UBE2R2: variants seen among roughly 807,000 people sequenced by gnomAD.
UBE2R2 encodes ubiquitin-conjugating enzyme E2 R2.
UBE2R2 carries 1 observed loss-of-function variant against 27.8 expected under a neutral mutation model. That is an observed-to-expected ratio of 0.04 (90% confidence interval 0.01 to 0.17). UBE2R2 has a LOEUF of 0.17. Among genes scored for constraint, UBE2R2 ranks in the 10% least tolerant of loss-of-function variants. The pLI, the probability that UBE2R2 is intolerant of heterozygous loss-of-function variation, is 1.00. For missense variants in UBE2R2, 100 were observed against 291.0 expected, an observed-to-expected ratio of 0.34 and a Z score of 4.78; for synonymous variants, 106 against 113.3, an observed-to-expected ratio of 0.94 and a Z score of 0.41.
intron 1 of UBE2R2, among the ~76,000 whole-genome samples, chr9:33,864,637 A>G (rs1490791208): frequency 6.6e-6 from 1 of 151,686 alleles, no homozygotes; most frequent in East Asian, 1.9e-4. Context: ...GCTGCCACGA[A>G]TTCCTGGGCT....
At chr9:33,846,687 T>C (rs908675931) in intron 1 of UBE2R2, among the ~76,000 whole-genome samples, 10 of 152,236 alleles carry the variant, frequency 6.6e-5, no homozygotes, top group Admixed American at 1.3e-4. Flanking sequence ...ATATGGTCTC[T>C]TGCAACTGCT....
At chr9:33,860,976 T>TG (rs1821219934) in intron 1 of UBE2R2, among the ~76,000 whole-genome samples, 1 of 150,516 alleles carries the variant, frequency 6.6e-6, no homozygotes, top group Non-Finnish European at 1.5e-5. Context: ...TTTTTTTTTT[T>TG]GAGACGGAGT....
intron 1 of UBE2R2, among the ~76,000 whole-genome samples, chr9:33,882,204 T>C (rs934150163): frequency 6.6e-6 from 1 of 152,198 alleles, no homozygotes; most frequent in Non-Finnish European, 1.5e-5. Flanking sequence ...TAGGCTTGTC[T>C]TTTATTTTTC....
chr9:33,900,367 A>T, intron 3 of UBE2R2, 96 bp downstream of exon 3: 4 of 865,880 alleles, frequency 4.6e-6, no homozygotes, highest in East Asian at 2.8e-5. Flanking sequence ...ACATGTAAAA[A>T]ATCATCTTTC....
chr9:33,913,862 C>G (rs1822563763), intron 4 of UBE2R2, among the ~76,000 whole-genome samples: 1 of 152,106 alleles, frequency 6.6e-6, no homozygotes, highest in Non-Finnish European at 1.5e-5. Context: ...GTTTGGGCAT[C>G]TGTGTGTGTA....
intron 1 of UBE2R2, among the ~76,000 whole-genome samples, chr9:33,881,975 C>T: frequency 6.6e-6 from 1 of 152,184 alleles, no homozygotes; most frequent in Non-Finnish European, 1.5e-5. Flanking sequence ...GAAGATTTGA[C>T]CCTTCTCCAC....
intron 1 of UBE2R2, among the ~76,000 whole-genome samples, chr9:33,867,268 G>A (rs1821385069): frequency 6.6e-6 from 1 of 152,138 alleles, no homozygotes; most frequent in Admixed American, 6.6e-5. Flanking sequence ...CACATTATGT[G>A]TAGTTGTAGA....
chr9:33,879,796 A>G (rs1412016119), intron 1 of UBE2R2, among the ~76,000 whole-genome samples: 1 of 92,228 alleles, frequency 1.1e-5, no homozygotes, highest in South Asian at 3.6e-4. Context: ...TGTTTAATTG[A>G]TTTCTGCTTT....
intron 1 of UBE2R2, among the ~76,000 whole-genome samples, chr9:33,835,702 G>A (rs1350117677): frequency 6.6e-6 from 1 of 151,620 alleles, no homozygotes; most frequent in African/African-American, 2.4e-5. Flanking sequence ...GGTGACATAG[G>A]GAGATCCCGT....
intron 1 of UBE2R2, among the ~76,000 whole-genome samples, chr9:33,827,725 C>T (rs1820346930): frequency 6.6e-6 from 1 of 151,950 alleles, no homozygotes; most frequent in Non-Finnish European, 1.5e-5. Flanking sequence ...AATCCCAGCA[C>T]TTTGGGAGGC....
chr9:33,820,960 C>T (rs1366890816), intron 1 of UBE2R2, among the ~76,000 whole-genome samples: 2 of 152,128 alleles, frequency 1.3e-5, no homozygotes, highest in Non-Finnish European at 2.9e-5. Flanking sequence ...AGTTTTGGGC[C>T]ATATAGATGT....
intron 1 of UBE2R2, among the ~76,000 whole-genome samples, chr9:33,823,599 C>T (rs1209714880): frequency 6.6e-6 from 1 of 152,154 alleles, no homozygotes; most frequent in Non-Finnish European, 1.5e-5. Context: ...TGGTCTCAAA[C>T]TCCTGACCTC....
chr9:33,863,188 C>CA (rs544206798), intron 1 of UBE2R2, among the ~76,000 whole-genome samples: 38,727 of 105,732 alleles, frequency 0.37, 6,296 homozygotes, highest in African/African-American at 0.47. Flanking sequence ...GAGACTCCCT[C>CA]AAAAAAAAAA....
At chr9:33,841,812 G>C (rs181129087) in intron 1 of UBE2R2, among the ~76,000 whole-genome samples, 1 of 151,876 alleles carries the variant, frequency 6.6e-6, no homozygotes, top group African/African-American at 2.4e-5. Flanking sequence ...TTGTTTTCTC[G>C]TATATTACAC....
intron 1 of UBE2R2, among the ~76,000 whole-genome samples, chr9:33,858,974 T>C (rs1821165460): frequency 6.6e-6 from 1 of 151,728 alleles, no homozygotes; most frequent in African/African-American, 2.4e-5. Flanking sequence ...TACAGGTGCC[T>C]GCCACCACAC....
intron 2 of UBE2R2, among the ~76,000 whole-genome samples, chr9:33,899,682 AT>A (rs1822203131): frequency 1.3e-5 from 2 of 150,412 alleles, no homozygotes; most frequent in African/African-American, 4.9e-5. Context: ...CAATTTTTGT[AT>A]TTTTGGTAGA....
At chr9:33,831,373 A>G (rs1230311821) in intron 1 of UBE2R2, among the ~76,000 whole-genome samples, 1 of 152,110 alleles carries the variant, frequency 6.6e-6, no homozygotes, top group Non-Finnish European at 1.5e-5. Flanking sequence ...AAAACAAAAG[A>G]GTTTTGTTAT....
chr9:33,841,925 A>T (rs1305046537), intron 1 of UBE2R2, among the ~76,000 whole-genome samples: 1 of 152,076 alleles, frequency 6.6e-6, no homozygotes, highest in Non-Finnish European at 1.5e-5. Flanking sequence ...ACCCCCCGAC[A>T]TCATCATATC....
At chr9:33,893,252 C>A (rs1056331297) in intron 2 of UBE2R2, among the ~76,000 whole-genome samples, 1 of 152,120 alleles carries the variant, frequency 6.6e-6, no homozygotes, top group Non-Finnish European at 1.5e-5. Flanking sequence ...CTCTGGCAAC[C>A]ACTCATCTGC....
Sources: allele counts gnomAD v4.1 joint callset (sites outside exome capture counted in the v4.1 genomes callset), GRCh38; gene constraint gnomAD v4.1.1; transcripts MANE v1.5; gene names NCBI Gene and HGNC (gene_info 2026-07-23, HGNC 2026-07-21).